The following ASTN2 variants were observed in gnomAD, a reference collection of about 807,000 sequenced individuals.
ASTN2 encodes the protein astrotactin-2.
Under a neutral mutation model 139.8 loss-of-function variants are expected in ASTN2, and 54 were observed. The ratio of observed to expected loss-of-function variants is 0.39; its 90% CI spans 0.31 to 0.48. The LOEUF is 0.48. Among genes scored for constraint, ASTN2 ranks in the 20% least tolerant of loss-of-function variants. The probability of loss-of-function intolerance (pLI) is 0.95; values close to 1 mark genes in which losing one functional copy is unlikely to be tolerated. For synonymous variants in ASTN2, 756 were observed against 719.5 expected (o/e 1.05, Z -0.81); for missense variants, 1,565 against 1,725.1 (o/e 0.91, Z 1.64).
In ASTN2 at chr9:117,274,042, C is replaced by T. The variant is rs116965678; in HGVS notation, c.630+17284G>A. 1.6e-3 allele frequency among the ~76,000 whole-genome samples: 240 copies of T among 152,208 alleles called. 4 individuals carry two copies. The East Asian group carries it at 0.03, about 19-fold the overall frequency. On this transcript the variant is annotated intron_variant, in intron 2 of 22. Coordinates refer to ENST00000313400, the MANE Select transcript of ASTN2 (RefSeq NM_001365068.1). ...GGTTATGGGCCTTTCTCCACTCAGG[C>T]GCCTCCCAACAAAAGTCTGGAGTGG...
chr9:116,738,191 CA>C lies in ASTN2; in HGVS notation c.2397-4669del, dbSNP rs35053036. On this transcript the variant is annotated intron_variant, in intron 13 of 22. Coordinates refer to ENST00000313400, the MANE Select transcript of ASTN2 (RefSeq NM_001365068.1). ...TGGGCGACAGAGCGAGACTCCGTCT[CA>C]AAAAAAAAAAAAAGACTACATATTG... Among the ~76,000 whole-genome samples the C allele has an allele frequency of 1.8e-3, 214 of 116,048 alleles. 1 individual carries two copies. The highest frequency in any genetic ancestry group is 5.1e-3 in the Middle Eastern group (1 of 198). 76.1% of individuals were successfully genotyped at this position (116,048 alleles called of 152,430 possible).
intron 1 of ASTN2, among the ~76,000 whole-genome samples, chr9:117,322,534 G>A (rs561463854): frequency 1.1e-3 from 172 of 152,254 alleles, no homozygotes; most frequent in African/African-American, 3.9e-3. Flanking sequence ...TGGCACAACT[G>A]GGCATATGGA....
rs773963132 is a variant in ASTN2, at chr9:116,696,160, C to A, written c.2806+29611G>T. Among the ~76,000 whole-genome samples the A allele has an allele frequency of 2.0e-5, 3 of 152,086 alleles. No individual in the cohort carries two copies. In the South Asian group the frequency reaches 6.2e-4, roughly 32 times the overall value. The stretch of plus-strand genomic sequence containing the variant: ...CACCTCACCATGCCCTTGAAAATGA[C>A]GCTCAAAAATCTCATTTTGGCTCTG... On this transcript the variant is annotated intron_variant, in intron 16 of 22. Transcript: ENST00000313400.
At chr9:116,898,321 A>T in intron 10 of ASTN2, among the ~76,000 whole-genome samples, 1 of 151,504 alleles carries the variant, frequency 6.6e-6, no homozygotes, top group Non-Finnish European at 1.5e-5. Context: ...AGATGGGAGG[A>T]TCACTTTAGC....
intron 1 of ASTN2, among the ~76,000 whole-genome samples, chr9:117,307,092 A>T (rs1835019829): frequency 6.6e-6 from 1 of 152,220 alleles, no homozygotes; most frequent in Admixed American, 6.5e-5. Flanking sequence ...TATACAACCT[A>T]AAAACCCCTG....
chr9:116,729,094 C>T lies in ASTN2; in HGVS notation c.2524G>A (p.Asp842Asn), dbSNP rs747910590. 6.3e-7 allele frequency: 1 copy of T among 1,580,054 alleles called. No individual in the cohort carries two copies. Among genetic ancestry groups the T allele is most frequent in the Non-Finnish European group, 8.6e-7 (1 of 1,161,698 alleles). Residue 842 changes from aspartate to asparagine, a missense_variant and splice_region_variant, in exon 15 of 23, where the codon GAT becomes AAT. Asp to Asn is a conservative substitution (Grantham distance 23). Around this residue, in one of 4 missense-constraint regions of ASTN2, gnomAD observed 503 missense variants for 591.7 expected, o/e 0.85. Coordinates refer to ENST00000313400, the MANE Select transcript of ASTN2 (RefSeq NM_001365068.1). ...CCCATGGCCTCATCATACCTGATAT[C>T]TCCTGGGAGAGAAAATAAGATGGTC... ...PLPDLQLLTG[D>N]IRYDEAMGYP...
intron 5 of ASTN2, among the ~76,000 whole-genome samples, chr9:117,073,975 T>C (rs891409548): frequency 5.3e-5 from 8 of 152,234 alleles, no homozygotes; most frequent in South Asian, 2.1e-4. Flanking sequence ...CACTCATCAC[T>C]GAAGGGCAGC....
intron 1 of ASTN2, among the ~76,000 whole-genome samples, chr9:117,409,400 A>G (rs998461672): frequency 2.0e-5 from 3 of 152,162 alleles, no homozygotes; most frequent in Non-Finnish European, 2.9e-5. Context: ...AGGGTATACA[A>G]CGGTCTGCAA....
chr9:117,340,515 T>TA (rs1829034937), intron 1 of ASTN2, among the ~76,000 whole-genome samples: 1 of 151,952 alleles, frequency 6.6e-6, no homozygotes, highest in South Asian at 2.1e-4. Context: ...AACTACTCTC[T>TA]ACCACGCTAA....
intron 3 of ASTN2, among the ~76,000 whole-genome samples, chr9:117,197,890 T>A (rs536965238): frequency 4.6e-5 from 7 of 152,306 alleles, no homozygotes; most frequent in Admixed American, 1.3e-4. Flanking sequence ...ATGATGTAAT[T>A]CCATTGTTTT....
chr9:116,694,523 G>A lies in ASTN2; in HGVS notation c.2806+31248C>T, dbSNP rs1311949140. Among the ~76,000 whole-genome samples the A allele has an allele frequency of 5.3e-5, 7 of 132,974 alleles. No homozygotes were observed. In the East Asian group the frequency reaches 1.0e-3, roughly 19 times the overall value. The allele number at this position is 132,974 out of a possible 152,430, so 87.2% of individuals were successfully genotyped here. A position where few individuals can be genotyped will look rare whatever the true frequency, so the allele number is the denominator to read the frequency against. On this transcript the variant is annotated intron_variant, in intron 16 of 22. Transcript: ENST00000313400. ...GTCACCCAGTCTGGAGTGCAGTGGC[G>A]CGTCTCGGCTCACTGCAAGCTCCGC...
intron 12 of ASTN2, among the ~76,000 whole-genome samples, chr9:116,813,819 G>A (rs186710116): frequency 6.6e-6 from 1 of 152,186 alleles, no homozygotes; most frequent in East Asian, 1.9e-4. Flanking sequence ...CGGATCACCT[G>A]AGGTCAGGAG....
chr9:116,993,876 A>T (rs112927640), intron 7 of ASTN2, among the ~76,000 whole-genome samples: 2,638 of 142,012 alleles, frequency 0.019, 102 homozygotes, highest in African/African-American at 0.065. Context: ...ATATATATAT[A>T]TTTTAACTAT....
intron 19 of ASTN2, among the ~76,000 whole-genome samples, chr9:116,541,222 A>G (rs950874074): frequency 3.3e-5 from 5 of 152,236 alleles, no homozygotes; most frequent in Admixed American, 3.3e-4. Flanking sequence ...ATAACAGAAA[A>G]TAAAATGTGA....
intron 19 of ASTN2, among the ~76,000 whole-genome samples, chr9:116,501,398 C>T (rs982013925): frequency 1.3e-5 from 2 of 152,114 alleles, no homozygotes; most frequent in Admixed American, 1.3e-4. Flanking sequence ...CAAGTCTTTG[C>T]TATGGTGAAT....
At chr9:116,685,101 G>A (rs1860118649) in intron 16 of ASTN2, among the ~76,000 whole-genome samples, 1 of 152,160 alleles carries the variant, frequency 6.6e-6, no homozygotes, top group Admixed American at 6.5e-5. Flanking sequence ...AAGATGCTGA[G>A]CCTCCCTAAA....
At chr9:116,669,300 A>ACGTCTG (rs1859050287) in intron 16 of ASTN2, among the ~76,000 whole-genome samples, 3 of 152,226 alleles carry the variant, frequency 2.0e-5, no homozygotes, top group Non-Finnish European at 1.5e-5. Flanking sequence ...TACTTTGGAC[A>ACGTCTG]CACTGCCTAT....
chr9:116,656,950 C>T (rs1276417522), intron 16 of ASTN2, among the ~76,000 whole-genome samples: 1 of 152,156 alleles, frequency 6.6e-6, no homozygotes, highest in Non-Finnish European at 1.5e-5. Context: ...CCATAGGGAC[C>T]AGAGGGGCTC....
At chr9:116,891,618 T>G (rs1164259192) in intron 10 of ASTN2, among the ~76,000 whole-genome samples, 1 of 152,216 alleles carries the variant, frequency 6.6e-6, no homozygotes, top group African/African-American at 2.4e-5. Flanking sequence ...GCAGGCTCTA[T>G]GACAATGGGC....
Sources: allele counts gnomAD v4.1 joint callset (sites outside exome capture counted in the v4.1 genomes callset), GRCh38; gene constraint gnomAD v4.1.1; regional missense constraint gnomAD v4.1.1; transcripts MANE v1.5; gene names NCBI Gene and HGNC (gene_info 2026-07-23, HGNC 2026-07-21).